RNF213: variants seen among roughly 807,000 people sequenced by gnomAD.
The protein encoded by RNF213 is E3 ubiquitin-protein ligase RNF213.
Under a neutral mutation model 514.4 loss-of-function variants are expected in RNF213, and 341 were observed. That is an observed-to-expected ratio of 0.66 (90% CI 0.61 to 0.73). The LOEUF is 0.73. RNF213 is among the 30% of genes least tolerant of loss of function. The pLI is 0.00. For synonymous variants in RNF213, 2,655 were observed against 2,658.2 expected (o/e 1.00, Z 0.04); for missense variants, 5,767 against 6,615.6 (o/e 0.87, Z 4.45).
chr17:80,358,749 A>G (rs2078928536), intron 37 of RNF213, among the ~76,000 whole-genome samples: 1 of 152,080 alleles, frequency 6.6e-6, no homozygotes, highest in South Asian at 2.1e-4. Context: ...TCTCTACTAA[A>G]AATACAAAAA....
chr17:80,348,257 G>A lies in RNF213; in HGVS notation c.9922G>A (p.Asp3308Asn). 1 of 1,613,708 alleles carries A rather than the reference G, an allele frequency of 6.2e-7. No individual in the cohort carries two copies. Among genetic ancestry groups the A allele is most frequent in the Non-Finnish European group, 8.5e-7 (1 of 1,180,044 alleles). Reference sequence around the variant, plus strand: ...CCTTCAGGCACACCTGCACACGGCAGACCTGGAGCGCCACGCCATCTTCAC... The same window carrying A: ...CCTTCAGGCACACCTGCACACGGCAAACCTGGAGCGCCACGCCATCTTCAC... ...DFLQAHLHTA[D>N]LERHAIFTEI... Residue 3308 changes from aspartate to asparagine, a missense_variant, in exon 29 of 68, where the codon GAC becomes AAC. Asp to Asn is a conservative substitution (Grantham distance 23, BLOSUM62 1). Transcript: ENST00000582970.
chr17:80,360,823 G>A lies in RNF213; in HGVS notation c.11200+617G>A, dbSNP rs376778894. 3.3e-4 allele frequency among the ~76,000 whole-genome samples: 51 copies of A among 152,290 alleles called. 1 individual carries two copies. Among genetic ancestry groups the A allele is most frequent in the African/African-American group, 1.1e-3 (47 of 41,556 alleles). On this transcript the variant is annotated intron_variant, in intron 38 of 67. Coordinates refer to ENST00000582970, the MANE Select transcript of RNF213 (RefSeq NM_001256071.3). Reference sequence around the variant, plus strand: ...ATAGTCTTTTCCACGTTTACTTATCGTACCATTTGGAAGACTCAGGGTGGC... The same window carrying A: ...ATAGTCTTTTCCACGTTTACTTATCATACCATTTGGAAGACTCAGGGTGGC...
rs779833020 is a variant in RNF213 at position 80,386,857 on chromosome 17, G to A, written c.14888G>A (p.Arg4963His). The change falls in exon 63 of 68, where the codon CGC becomes CAC. Residue 4963 changes from arginine (R) to histidine (H), a missense_variant. Around this residue, in one of 13 missense-constraint regions of RNF213, gnomAD observed 1,245 missense variants for 1,339.0 expected, o/e 0.93. Transcript: ENST00000582970. ...LEKIQRQIVS[R>H]FLQGKPRLSL... ...AAGATTCAGCGGCAGATCGTCAGCC[G>A]CTTCCTCCAGGGCAAGCCCCGGCTG... The A allele has an allele frequency of 5.0e-6, 8 of 1,613,652 alleles. No individual in the cohort carries two copies. Among genetic ancestry groups the A allele is most frequent in the East Asian group, 2.2e-5 (1 of 44,864 alleles).
chr17:80,344,032 G>A lies in RNF213; in HGVS notation c.6342+17G>A, dbSNP rs376499993. On this transcript the variant is annotated intron_variant, in intron 28 of 67. Transcript: ENST00000582970. ...TCAGCGCTGGTCTGTACTGTGGGGCGTTTTCGCCTGGCGTGGGGGGCTCTT... is the reference window on the plus strand; with the variant it reads ...TCAGCGCTGGTCTGTACTGTGGGGCATTTTCGCCTGGCGTGGGGGGCTCTT... 65 of 1,608,522 alleles carry A rather than the reference G, an allele frequency of 4.0e-5. No homozygotes were observed. Among genetic ancestry groups the A allele is most frequent in the South Asian group, 3.8e-4 (34 of 90,326 alleles).
At chr17:80,298,722 T>C (rs1448840164) in intron 11 of RNF213, 6 of 585,010 alleles carry the variant, frequency 1.0e-5, no homozygotes, top group Admixed American at 7.8e-5. Context: ...CCCAGCACTT[T>C]GGGAGGCTGA....
At chr17:80,340,773 G>C (rs180865231) in intron 26 of RNF213, 1 of 166,716 alleles carries the variant, frequency 6.0e-6, no homozygotes. Flanking sequence ...GGTACCCACC[G>C]CCATCCCTGG....
Position 80,396,561 on chromosome 17 carries a change from G to A in RNF213, c.*3063G>A, listed in dbSNP as rs2080665186. The stretch of plus-strand genomic sequence containing the variant: ...GTGTGAAGGTTGCATAACTGGGGAG[G>A]TGGCTGGAGAAAACCTGAGCCTCGA... On this transcript the variant is annotated 3_prime_UTR_variant, in exon 68 of 68. Transcript: ENST00000582970. 6.6e-6 allele frequency: 1 copy of A among 152,208 alleles called. No individual in the cohort carries two copies. The highest frequency in any genetic ancestry group is 2.4e-5 in the African/African-American group (1 of 41,436). The allele number at this position is 152,208 out of a possible 1,614,324, so 9.4% of individuals were successfully genotyped here. A position where few individuals can be genotyped will look rare whatever the true frequency, so the allele number is the denominator to read the frequency against.
rs769568981 is a variant in RNF213, at chr17:80,327,999, G to A, written c.3367+10G>A. On this transcript the variant is annotated intron_variant, in intron 19 of 67. Transcript: ENST00000582970. Reference sequence around the variant, plus strand: ...GACATCTGGCAACTGAGTAAGCATCGAGTCGATACGCACTTCAGGCTCCTG... The same window carrying A: ...GACATCTGGCAACTGAGTAAGCATCAAGTCGATACGCACTTCAGGCTCCTG... The A allele has an allele frequency of 1.3e-6, 2 of 1,537,192 alleles. No homozygotes were observed. The highest frequency in any genetic ancestry group is 1.2e-5 in the South Asian group (1 of 84,048).
intron 16 of RNF213, 45 bp from the exon 17 acceptor site, chr17:80,319,145 G>A (rs6565666): frequency 0.18 from 287,758 of 1,613,690 alleles, 27,130 homozygotes; most frequent in African/African-American, 0.33. Flanking sequence ...GCACTGGAGC[G>A]CTGCATCCGA....
chr17:80,379,694 G>T lies in RNF213; in HGVS notation c.13620G>T (p.Arg4540=). 1.2e-6 allele frequency: 2 copies of T among 1,614,156 alleles called. No individual in the cohort carries two copies. The highest frequency in any genetic ancestry group is 1.7e-6 in the Non-Finnish European group (2 of 1,180,024). Residue 4540 remains arginine, a synonymous_variant, in exon 55 of 68, where the codon CGG becomes CGT. Transcript: ENST00000582970. Reference sequence around the variant, plus strand: ...TTGGAGGCATTGACCACAAACCTCGGGACGGCTTTCATCTGGTCAAGTATG... The same window carrying T: ...TTGGAGGCATTGACCACAAACCTCGTGACGGCTTTCATCTGGTCAAGTATG... ...APIGGIDHKP[R]DGFHLVKDKA...
chr17:80,345,997 C>T lies in RNF213; in HGVS notation c.7662C>T (p.Asp2554=), dbSNP rs138516230. ...GYRVSMEETA[D]RLGSIPLRQL... ...GGGTTAGTATGGAGGAGACGGCCGA[C>T]AGGCTGGGCTCCATTCCTCTGAGGC... Residue 2554 remains aspartate (D), a synonymous_variant, in exon 29 of 68, where the codon GAC becomes GAT. Coordinates refer to ENST00000582970, the MANE Select transcript of RNF213 (RefSeq NM_001256071.3). The surrounding 1 kb of genome is among the most constrained non-coding windows in gnomAD (Gnocchi z 6.0). 4 of 1,614,222 alleles carry T rather than the reference C, an allele frequency of 2.5e-6. No individual in the cohort carries two copies. Among genetic ancestry groups the T allele is most frequent in the East Asian group, 2.2e-5 (1 of 44,882 alleles).
rs901218271 is a variant in RNF213, at chr17:80,336,087, G to A, written c.4310-74G>A. ...AAATATCCATTTCAGCTTCAGTAAG[G>A]ATTACTGCCCAAGACCGAGTCTTGT... On this transcript the variant is annotated intron_variant, in intron 22 of 67. Transcript: ENST00000582970. The A allele has an allele frequency of 3.5e-5, 44 of 1,241,322 alleles. No individual in the cohort carries two copies. The African/African-American group carries it at 6.4e-4, about 18-fold the overall frequency. 76.9% of individuals were successfully genotyped at this position (1,241,322 alleles called of 1,614,324 possible). A position where few individuals can be genotyped will look rare whatever the true frequency, so the allele number is the denominator to read the frequency against.
chr17:80,361,792 C>T lies in RNF213; in HGVS notation c.11259C>T (p.Ala3753=). 1 of 1,614,036 alleles carries T rather than the reference C, an allele frequency of 6.2e-7. No individual in the cohort carries two copies. Among genetic ancestry groups the T allele is most frequent in the African/African-American group, 1.3e-5 (1 of 75,048 alleles). Reference sequence around the variant, plus strand: ...AGACTCCTCTGGGCAGGTTTCTTGCCCAGCTCCATGGAGAGCCGCAGCAGG... The same window carrying T: ...AGACTCCTCTGGGCAGGTTTCTTGCTCAGCTCCATGGAGAGCCGCAGCAGG... ...FQQTPLGRFL[A]QLHGEPQQEL... Residue 3753 remains alanine (A), a synonymous_variant, in exon 39 of 68, where the codon GCC becomes GCT. Coordinates refer to ENST00000582970, the MANE Select transcript of RNF213 (RefSeq NM_001256071.3).
At chr17:80,384,875 GGAA>G in intron 59 of RNF213, 161 bp from the exon 60 acceptor site, 1 of 761,560 alleles carries the variant, frequency 1.3e-6, no homozygotes, top group Non-Finnish European at 2.2e-6. Flanking sequence ...TAGACTTGTG[GGAA>G]GAACTTTTCC....
intron 13 of RNF213, among the ~76,000 whole-genome samples, chr17:80,308,034 A>G (rs1203375532): frequency 6.6e-6 from 1 of 152,124 alleles, no homozygotes; most frequent in African/African-American, 2.4e-5. Context: ...TAAGATAAAA[A>G]TCAAAGGTAG....
chr17:80,295,526 T>G (rs779818171), intron 9 of RNF213, 31 bp from the exon 10 acceptor site: 1 of 1,613,596 alleles, frequency 6.2e-7, no homozygotes, highest in Admixed American at 1.7e-5. Context: ...AAGTCCATGG[T>G]TCATGCATCT....
At position 80,347,233 on chromosome 17, in the gene RNF213, A is replaced by G. The variant is rs976986349; in HGVS notation, c.8898A>G (p.Ala2966=). Residue 2966 remains alanine, a synonymous_variant, in exon 29 of 68, where the codon GCA becomes GCG. Transcript: ENST00000582970. The surrounding 1 kb of genome is among the most constrained non-coding windows in gnomAD (Gnocchi z 7.2). The part of the protein sequence containing the change: ...YYSLIKMVFA[A]AKASNRKPSP... ...GCCTCATCAAAATGGTCTTTGCTGC[A>G]GCAAAGGCTTCAAATAGAAAGCCTT... 3 of 1,613,388 alleles carry G rather than the reference A, an allele frequency of 1.9e-6. No homozygotes were observed. The highest frequency in any genetic ancestry group is 2.5e-6 in the Non-Finnish European group (3 of 1,179,726).
chr17:80,333,214 A>G (rs2046465917), intron 21 of RNF213, among the ~76,000 whole-genome samples: 1 of 118,664 alleles, frequency 8.4e-6, no homozygotes, highest in Admixed American at 8.0e-5. Flanking sequence ...ACGCCCGGCT[A>G]ATTTTTTTGG....
chr17:80,266,482 C>A (rs1055702702), intron 2 of RNF213, among the ~76,000 whole-genome samples: 1 of 151,204 alleles, frequency 6.6e-6, no homozygotes, highest in South Asian at 2.1e-4. Flanking sequence ...AGTCTCTTGC[C>A]TCTCACTTTA....
Sources: gnomAD v4.1 joint callset for allele counts (sites outside exome capture counted in the v4.1 genomes callset) on GRCh38, gnomAD v4.1.1 for gene constraint, gnomAD v4.1.1 regional missense constraint, Gnocchi (gnomAD v3.1) non-coding constraint, MANE v1.5 for transcripts, NCBI Gene and HGNC (gene_info 2026-07-23, HGNC 2026-07-21) for gene names.